Variants in TEX11 observed in about 807,000 individuals in gnomAD.
TEX11 encodes the protein testis expressed 11.
In TEX11, 7 loss-of-function variants were observed where a neutral mutation model predicts 84.4. The observed-to-expected ratio is 0.08, with a 90% CI of 0.05 to 0.16. The LOEUF is 0.16. Ranked by LOEUF, TEX11 falls within the 10% of genes least tolerant of loss-of-function variation. The pLI, the probability that TEX11 is intolerant of heterozygous loss-of-function variation, is 1.00. For synonymous variants in TEX11, 264 were observed against 222.8 expected, an observed-to-expected ratio of 1.18 and a Z score of -1.64; for missense variants, 551 against 660.5, an observed-to-expected ratio of 0.83 and a Z score of 1.82.
At chrX:70,641,920 G>C (rs1204675805) in intron 17 of TEX11, among the ~76,000 whole-genome samples, 2 of 111,372 alleles carry the variant, frequency 1.8e-5, no homozygotes, top group Non-Finnish European at 3.8e-5. Flanking sequence ...ACTAAGATCA[G>C]AGCAGAACTG....
At chrX:70,654,650 G>A (rs2089843089) in intron 16 of TEX11, among the ~76,000 whole-genome samples, 1 of 96,707 alleles carries the variant, frequency 1.0e-5, no homozygotes, top group Non-Finnish European at 2.0e-5. Context: ...GGCGGAGTTT[G>A]CAGTGAGCAG....
intron 24 of TEX11, among the ~76,000 whole-genome samples, chrX:70,601,176 TA>T (rs2089100793): frequency 1.7e-5 from 1 of 60,372 alleles, no homozygotes; most frequent in African/African-American, 5.8e-5. Context: ...TAAAAAATGA[TA>T]AAGGGGATAT....
At chrX:70,512,090 C>A in the TEX11 span, among the ~76,000 whole-genome samples, 1 of 107,897 alleles carries the variant, frequency 9.3e-6, no homozygotes, top group Non-Finnish European at 1.9e-5. Context: ...TGCAAATACA[C>A]TGAACCCACT....
At chrX:70,846,630 T>A (rs901207316) in intron 7 of TEX11, among the ~76,000 whole-genome samples, 1 of 111,881 alleles carries the variant, frequency 8.9e-6, no homozygotes, top group Non-Finnish European at 1.9e-5. Context: ...CATGTTGAAA[T>A]GTGATGCCCC....
chrX:70,634,810 T>C (rs1270511524), intron 17 of TEX11, among the ~76,000 whole-genome samples: 4 of 111,819 alleles, frequency 3.6e-5, no homozygotes, highest in African/African-American at 9.8e-5. Context: ...AACTGTAAAA[T>C]TTCTTGAAGA....
chrX:70,543,852 T>C (rs1475075337), intron 28 of TEX11, among the ~76,000 whole-genome samples: 22 of 112,024 alleles, frequency 2.0e-4, no homozygotes, highest in Non-Finnish European at 2.4e-4. Context: ...CACAAACTTA[T>C]ATGGTATAGC....
rs1312719422 is a variant in TEX11 at position 70,840,251 on chromosome X, G to C, written c.526-6658C>G. 2.7e-5 allele frequency among the ~76,000 whole-genome samples: 3 copies of C among 111,845 alleles called. 1 individual carries two copies. Among genetic ancestry groups the C allele is most frequent in the African/African-American group, 9.8e-5 (3 of 30,722 alleles). The stretch of plus-strand genomic sequence containing the variant: ...AGAGAAAGGTCGGGTTACCCACAAA[G>C]GGAAGCCCATCAGACTAACAGCTGA... On this transcript the variant is annotated intron_variant, in intron 7 of 29. Transcript: ENST00000374333.
At chrX:70,856,163 T>C (rs1359371844) in intron 5 of TEX11, among the ~76,000 whole-genome samples, 1 of 111,569 alleles carries the variant, frequency 9.0e-6, no homozygotes, top group Non-Finnish European at 1.9e-5. Flanking sequence ...ATAAGGTACA[T>C]ACAGCAATTG....
rs1184601659 is a variant in TEX11, at chrX:70,742,319, T to C, written c.748-1523A>G. Reference sequence around the variant, plus strand: ...TATAGTTAATTGAGTCTCACTGTTATATAATAAGTGACAATGTCACTATAT... The same window carrying C: ...TATAGTTAATTGAGTCTCACTGTTACATAATAAGTGACAATGTCACTATAT... On this transcript the variant is annotated intron_variant, in intron 10 of 29. Coordinates refer to ENST00000374333, the MANE Select transcript of TEX11 (RefSeq NM_031276.3). Among the ~76,000 whole-genome samples the C allele has an allele frequency of 7.3e-5, 8 of 109,013 alleles. No homozygotes were observed. In the East Asian group the frequency reaches 1.1e-3, roughly 15 times the overall value. The allele number at this position is 109,013 out of a possible 115,157, so 94.7% of individuals were successfully genotyped here. A position where few individuals can be genotyped will look rare whatever the true frequency, so the allele number is the denominator to read the frequency against.
At chrX:70,572,576 C>T (rs1340905874) in intron 25 of TEX11, among the ~76,000 whole-genome samples, 1 of 110,324 alleles carries the variant, frequency 9.1e-6, no homozygotes, top group East Asian at 2.8e-4. Context: ...GCACTATTCA[C>T]AATAGCAAAG....
chrX:70,892,943 CA>C (rs2091746729), intron 2 of TEX11, among the ~76,000 whole-genome samples: 1 of 110,187 alleles, frequency 9.1e-6, no homozygotes, highest in African/African-American at 3.3e-5. Context: ...CAACAAAGAT[CA>C]AAAAAGATGA....
Position 70,756,698 on chromosome X carries a change from G to T in TEX11, c.693-12479C>A, listed in dbSNP as rs375484128. Among the ~76,000 whole-genome samples the T allele has an allele frequency of 1.8e-4, 20 of 112,079 alleles. 1 individual carries two copies. In the Admixed American group the frequency reaches 1.9e-3, roughly 11 times the overall value. ...GAAAAGCTGAAAATTCCAAAAACCAGAGTGCCTCTTCTCCTCCAAAGGATT... is the reference window on the plus strand; with the variant it reads ...GAAAAGCTGAAAATTCCAAAAACCATAGTGCCTCTTCTCCTCCAAAGGATT... On this transcript the variant is annotated intron_variant, in intron 9 of 29. Coordinates refer to ENST00000374333, the MANE Select transcript of TEX11 (RefSeq NM_031276.3).
chrX:70,705,929 A>G (rs2090369748), intron 13 of TEX11, among the ~76,000 whole-genome samples: 1 of 111,499 alleles, frequency 9.0e-6, no homozygotes, highest in South Asian at 3.8e-4. Flanking sequence ...AACTAGAAAT[A>G]CCATTTGACC....
chrX:70,705,322 A>G (rs925801437), intron 13 of TEX11, among the ~76,000 whole-genome samples: 4 of 111,537 alleles, frequency 3.6e-5, no homozygotes, highest in Admixed American at 9.6e-5. Context: ...GTTTTTTCCA[A>G]TTCTGTGAAG....
chrX:70,858,707 T>C (rs1383732051), intron 5 of TEX11, among the ~76,000 whole-genome samples: 1 of 111,578 alleles, frequency 9.0e-6, no homozygotes, highest in East Asian at 2.8e-4. Context: ...GAAATATTTA[T>C]GGGCAAAATT....
intron 13 of TEX11, among the ~76,000 whole-genome samples, chrX:70,710,048 A>G (rs1380422943): frequency 9.0e-6 from 1 of 110,912 alleles, no homozygotes; most frequent in Middle Eastern, 4.2e-3. Flanking sequence ...GCAATTCAAG[A>G]TCCCTTTGTT....
intron 11 of TEX11, 120 bp downstream of exon 11, chrX:70,740,581 A>T (rs2090726752): frequency 2.4e-6 from 1 of 415,470 alleles, no homozygotes. Context: ...TGTGCTATAG[A>T]AGAGATTATA....
At position 70,593,056 on chromosome X, in the gene TEX11, AACACACACACACAC is replaced by A. The variant is rs56116828; in HGVS notation, c.2068-1247_2068-1234del. Among the ~76,000 whole-genome samples, 694 of 95,972 alleles carry A rather than the reference AACACACACACACAC, an allele frequency of 7.2e-3. 5 individuals carry two copies. Among genetic ancestry groups the A allele is most frequent in the African/African-American group, 0.024 (644 of 26,549 alleles). The allele number at this position is 95,972 out of a possible 115,157, so 83.3% of individuals were successfully genotyped here. On this transcript the variant is annotated intron_variant, in intron 24 of 29. Coordinates refer to ENST00000374333, the MANE Select transcript of TEX11 (RefSeq NM_031276.3). Reference sequence around the variant, plus strand: ...GGCAATTTATGCACAAGAGCATTTTAACACACACACACACACACACACACACACACACACACACA... The same window carrying A: ...GGCAATTTATGCACAAGAGCATTTTAACACACACACACACACACACACACA...
the TEX11 span, among the ~76,000 whole-genome samples, chrX:70,522,619 C>T: frequency 7.7e-4 from 86 of 111,298 alleles, no homozygotes; most frequent in Non-Finnish European, 1.5e-3. Flanking sequence ...CCACAACCTC[C>T]GCCTCCTGGG....
Sources: allele counts gnomAD v4.1 joint callset (sites outside exome capture counted in the v4.1 genomes callset), GRCh38; gene constraint gnomAD v4.1.1; transcripts MANE v1.5; gene names NCBI Gene and HGNC (gene_info 2026-07-23, HGNC 2026-07-21).